Variants in RORB observed in about 807,000 individuals in gnomAD.
The protein encoded by RORB is nuclear receptor ROR-beta.
Under a neutral mutation model 59.1 loss-of-function variants are expected in RORB, and 6 were observed. The ratio of observed to expected loss-of-function variants is 0.10; its 90% CI spans 0.06 to 0.20. The LOEUF (loss-of-function observed/expected upper bound fraction) is 0.20, where lower values mean the gene tolerates loss of function less well. Ranked by LOEUF, RORB falls within the 10% of genes least tolerant of loss-of-function variation. The probability of loss-of-function intolerance (pLI) is 1.00; values close to 1 mark genes in which losing one functional copy is unlikely to be tolerated. For missense variants in RORB, 320 were observed against 560.5 expected, an observed-to-expected ratio of 0.57 and a Z score of 4.33; for synonymous variants, 215 against 204.5, an observed-to-expected ratio of 1.05 and a Z score of -0.44.
At chr9:74,593,704 G>A (rs1822933953) in intron 1 of RORB, among the ~76,000 whole-genome samples, 1 of 152,138 alleles carries the variant, frequency 6.6e-6, no homozygotes, top group African/African-American at 2.4e-5. Context: ...GAAAAGAAGG[G>A]ACAGGACAGT....
At chr9:74,610,508 T>C (rs896482518) in intron 1 of RORB, among the ~76,000 whole-genome samples, 1 of 152,244 alleles carries the variant, frequency 6.6e-6, no homozygotes, top group African/African-American at 2.4e-5. Flanking sequence ...TATCTCACTT[T>C]AAATTCTTCA....
chr9:74,533,616 G>T (rs998569888), intron 1 of RORB, among the ~76,000 whole-genome samples: 2 of 151,918 alleles, frequency 1.3e-5, no homozygotes, highest in African/African-American at 4.8e-5. Flanking sequence ...GTTTAATCTG[G>T]TTGGGCCTGG....
At chr9:74,621,290 C>T (rs1823413245) in intron 1 of RORB, among the ~76,000 whole-genome samples, 1 of 151,920 alleles carries the variant, frequency 6.6e-6, no homozygotes, top group African/African-American at 2.4e-5. Context: ...AAACCCATGG[C>T]AACTAATGAT....
At chr9:74,611,404 G>C (rs564873719) in intron 1 of RORB, among the ~76,000 whole-genome samples, 2 of 152,314 alleles carry the variant, frequency 1.3e-5, no homozygotes, top group East Asian at 3.9e-4. Flanking sequence ...CCTACACTTA[G>C]AACCAACTAT....
At chr9:74,624,940 C>A (rs1823485055) in intron 1 of RORB, among the ~76,000 whole-genome samples, 1 of 152,090 alleles carries the variant, frequency 6.6e-6, no homozygotes, top group Non-Finnish European at 1.5e-5. Context: ...CAGAAGCTAA[C>A]AGGTGAATCC....
chr9:74,552,647 T>C (rs954746230), intron 1 of RORB, among the ~76,000 whole-genome samples: 100 of 152,040 alleles, frequency 6.6e-4, no homozygotes, highest in African/African-American at 2.3e-3. Context: ...GAAAATGATA[T>C]CATGTTTATA....
At chr9:74,616,765 C>T (rs1439319272) in intron 1 of RORB, among the ~76,000 whole-genome samples, 2 of 152,078 alleles carry the variant, frequency 1.3e-5, no homozygotes, top group Non-Finnish European at 2.9e-5. Context: ...GTTTAAAAAA[C>T]ATGAAGTTAC....
At chr9:74,516,182 C>T (rs560515109) in intron 1 of RORB, among the ~76,000 whole-genome samples, 14 of 152,128 alleles carry the variant, frequency 9.2e-5, no homozygotes, top group East Asian at 5.8e-4. Context: ...ATACCATCAT[C>T]GTAGGCTCAT....
At chr9:74,569,794 G>A (rs977513046) in intron 1 of RORB, among the ~76,000 whole-genome samples, 2 of 151,936 alleles carry the variant, frequency 1.3e-5, no homozygotes, top group Non-Finnish European at 2.9e-5. Context: ...ATACAAATAT[G>A]CATTTCTCTT....
At chr9:74,629,078 C>T (rs1823571929) in intron 1 of RORB, among the ~76,000 whole-genome samples, 1 of 152,110 alleles carries the variant, frequency 6.6e-6, no homozygotes, top group Non-Finnish European at 1.5e-5. Context: ...TCACCTTTGA[C>T]TCTTCGTTTC....
intron 4 of RORB, among the ~76,000 whole-genome samples, chr9:74,651,406 G>A (rs1823988566): frequency 1.3e-5 from 2 of 152,112 alleles, no homozygotes; most frequent in East Asian, 1.9e-4. Flanking sequence ...GTGGTGACAC[G>A]TGCCTGTAAT....
rs562617150 is a variant in RORB, at chr9:74,616,177, A to T, written c.8-14105A>T. 2.6e-5 allele frequency among the ~76,000 whole-genome samples: 4 copies of T among 152,326 alleles called. No individual in the cohort carries two copies. The South Asian group carries it at 8.3e-4, about 32-fold the overall frequency. On this transcript the variant is annotated intron_variant, in intron 1 of 9. Transcript: ENST00000376896. ...TCCTAAATTTTTTACAAGTTAGTGC[A>T]TAATTCTCTAGACACACATTATCTC...
intron 1 of RORB, among the ~76,000 whole-genome samples, chr9:74,544,807 T>C (rs914739504): frequency 6.6e-6 from 1 of 152,180 alleles, no homozygotes; most frequent in Non-Finnish European, 1.5e-5. Context: ...AACCCCCACC[T>C]GCAGAAGGAT....
chr9:74,603,311 A>C (rs1237004655), intron 1 of RORB, among the ~76,000 whole-genome samples: 2 of 152,170 alleles, frequency 1.3e-5, no homozygotes, highest in Non-Finnish European at 2.9e-5. Context: ...GGCAGTTTTC[A>C]TGCTCAGTAG....
chr9:74,642,864 A>G, intron 4 of RORB, 49 bp downstream of exon 4: 1 of 1,440,814 alleles, frequency 6.9e-7, no homozygotes, highest in Non-Finnish European at 9.4e-7. Flanking sequence ...TTTGCTTTGA[A>G]TTTACCTTGG....
Position 74,691,005 on chromosome 9 carries a change from G to A in RORB, c.*5387G>A, listed in dbSNP as rs751786936. ...TTATTTTCCCTTAGTTGTATGTGAA[G>A]AATTTATTCTATAGTCGTGATCATG... On this transcript the variant is annotated 3_prime_UTR_variant, in exon 10 of 10. Transcript: ENST00000376896. 5 of 152,166 alleles carry A rather than the reference G, an allele frequency of 3.3e-5. No homozygotes were observed. Among genetic ancestry groups the A allele is most frequent in the Admixed American group, 2.0e-4 (3 of 15,264 alleles). The allele number at this position is 152,166 out of a possible 1,614,324, so 9.4% of individuals were successfully genotyped here.
At position 74,668,670 on chromosome 9, in the gene RORB, G is replaced by A. The variant is rs573153865; in HGVS notation, c.1111+769G>A. The stretch of plus-strand genomic sequence containing the variant: ...AGAAAATTATAAGCAAGAGGAAACA[G>A]ATTTCCTGTTCATTAAGTGGAAGTG... On this transcript the variant is annotated intron_variant, in intron 8 of 9. Coordinates refer to ENST00000376896, the MANE Select transcript of RORB (RefSeq NM_006914.4). 7.2e-5 allele frequency among the ~76,000 whole-genome samples: 11 copies of A among 152,290 alleles called. No homozygotes were observed. The South Asian group carries it at 1.5e-3, about 20-fold the overall frequency.
chr9:74,685,371 C>A (rs1824623337), intron 9 of RORB, 92 bp from the exon 10 acceptor site: 5 of 1,045,834 alleles, frequency 4.8e-6, no homozygotes, highest in Non-Finnish European at 5.3e-6. Context: ...AGCCTTTTAC[C>A]TTCATCTGGG....
intron 1 of RORB, among the ~76,000 whole-genome samples, chr9:74,612,487 C>T (rs538911572): frequency 6.6e-6 from 1 of 152,252 alleles, no homozygotes; most frequent in African/African-American, 2.4e-5. Context: ...AGCCATCCTC[C>T]TTCTTTCCTG....
Sources: gnomAD v4.1 joint callset for allele counts (sites outside exome capture counted in the v4.1 genomes callset) on GRCh38, gnomAD v4.1.1 for gene constraint, MANE v1.5 for transcripts, NCBI Gene and HGNC (gene_info 2026-07-23, HGNC 2026-07-21) for gene names.